The following GRM5 variants were observed in gnomAD, a reference collection of about 807,000 sequenced individuals.
GRM5 encodes the protein metabotropic glutamate receptor 5.
In GRM5, 19 loss-of-function variants were observed where a neutral mutation model predicts 83.1. The ratio of observed to expected loss-of-function variants is 0.23; its 90% CI spans 0.16 to 0.34. The LOEUF (loss-of-function observed/expected upper bound fraction) is 0.34. GRM5 is among the 10% of genes least tolerant of loss of function. The pLI is 1.00. For synonymous variants in GRM5, 675 were observed against 633.6 expected, an observed-to-expected ratio of 1.07 and a Z score of -0.98; for missense variants, 1,160 against 1,588.3, an observed-to-expected ratio of 0.73 and a Z score of 4.58.
intron 2 of GRM5, among the ~76,000 whole-genome samples, chr11:88,904,590 C>T (rs967630889): frequency 1.3e-5 from 2 of 152,048 alleles, no homozygotes; most frequent in African/African-American, 2.4e-5. Context: ...TTTTCTTTTT[C>T]GGTGGAATCC....
intron 2 of GRM5, among the ~76,000 whole-genome samples, chr11:88,930,589 T>A (rs544238319): frequency 9.9e-4 from 151 of 152,120 alleles, no homozygotes; most frequent in South Asian, 1.7e-3. Flanking sequence ...AATGGTGAGA[T>A]CACTGCAACC....
chr11:88,707,911 T>G (rs924964561), intron 3 of GRM5, among the ~76,000 whole-genome samples: 1 of 152,198 alleles, frequency 6.6e-6, no homozygotes. Context: ...TACAAACTTA[T>G]AATTACTCTG....
chr11:88,968,463 A>G (rs997232225), intron 2 of GRM5, among the ~76,000 whole-genome samples: 1 of 152,084 alleles, frequency 6.6e-6, no homozygotes, highest in African/African-American at 2.4e-5. Context: ...TAGGAGGATT[A>G]CTTGAAGCTG....
chr11:88,810,743 A>G (rs947566593), intron 3 of GRM5, among the ~76,000 whole-genome samples: 3 of 152,168 alleles, frequency 2.0e-5, no homozygotes, highest in Non-Finnish European at 4.4e-5. Flanking sequence ...ATAAATATGT[A>G]TGTCAGTATG....
At chr11:88,744,836 C>T (rs1477856456) in intron 3 of GRM5, among the ~76,000 whole-genome samples, 1 of 152,032 alleles carries the variant, frequency 6.6e-6, no homozygotes, top group Admixed American at 6.6e-5. Flanking sequence ...AAAGTGAAAA[C>T]ATTTGGCAAA....
At chr11:88,670,020 G>A (rs1378353803) in intron 3 of GRM5, among the ~76,000 whole-genome samples, 3 of 152,012 alleles carry the variant, frequency 2.0e-5, no homozygotes, top group South Asian at 4.1e-4. Context: ...TTTGAAAAAT[G>A]TAGTATTAGA....
intron 2 of GRM5, among the ~76,000 whole-genome samples, chr11:88,960,696 T>C (rs1938755486): frequency 2.6e-5 from 4 of 152,132 alleles, no homozygotes; most frequent in Non-Finnish European, 5.9e-5. Context: ...TTTGAGCTGA[T>C]TTATCCTAGA....
At chr11:88,673,340 CT>C (rs940572215) in intron 3 of GRM5, among the ~76,000 whole-genome samples, 3 of 151,820 alleles carry the variant, frequency 2.0e-5, no homozygotes, top group African/African-American at 7.2e-5. Flanking sequence ...GAAAACAAAT[CT>C]AGAATGACAC....
chr11:88,621,520 A>G (rs762122483), intron 4 of GRM5, among the ~76,000 whole-genome samples: 8 of 152,200 alleles, frequency 5.3e-5, no homozygotes, highest in Non-Finnish European at 1.0e-4. Context: ...TATGGAAGTT[A>G]TGACCCCACA....
chr11:88,706,731 T>C (rs576391637), intron 3 of GRM5, among the ~76,000 whole-genome samples: 7 of 152,198 alleles, frequency 4.6e-5, no homozygotes, highest in African/African-American at 1.2e-4. Flanking sequence ...TTTTTTATTT[T>C]GTGAGTCAGA....
At chr11:88,642,056 T>C (rs781679707) in intron 4 of GRM5, among the ~76,000 whole-genome samples, 1 of 152,130 alleles carries the variant, frequency 6.6e-6, no homozygotes, top group African/African-American at 2.4e-5. Flanking sequence ...GCACCAGGCT[T>C]CTGCTTGGGC....
rs1460633770 is a variant in GRM5, at chr11:88,567,764, T to C, written c.1919A>G (p.Lys640Arg). ...LCTFCLIAKP[K>R]QIYCYLQRIG... ...TCTCTGAAGGTAGCAGTAAATCTGTTTGGGCTTCGCAATGAGGCAGAAGGT... is the reference window on the plus strand; with the variant it reads ...TCTCTGAAGGTAGCAGTAAATCTGTCTGGGCTTCGCAATGAGGCAGAAGGT... Residue 640 changes from lysine to arginine, a missense_variant, in exon 8 of 10, where the codon AAA becomes AGA. By Grantham distance (26) the Lys-to-Arg change is conservative. Around this residue, in one of 9 missense-constraint regions of GRM5, gnomAD observed 132 missense variants for 245.5 expected, o/e 0.54. Coordinates refer to ENST00000305447, the MANE Select transcript of GRM5 (RefSeq NM_001143831.3). This position sits in a 1 kb window ranked among gnomAD's most constrained non-coding sequence, Gnocchi z 7.3. 4 of 1,613,938 alleles carry C rather than the reference T, an allele frequency of 2.5e-6. No individual in the cohort carries two copies. The African/African-American group carries it at 5.3e-5, about 22-fold the overall frequency.
chr11:89,023,508 G>A (rs1427338467), intron 2 of GRM5, among the ~76,000 whole-genome samples: 6 of 151,950 alleles, frequency 3.9e-5, no homozygotes, highest in African/African-American at 9.7e-5. Context: ...CCAGCCATGC[G>A]TGTTCATCAT....
chr11:88,891,769 G>C (rs543718276), intron 2 of GRM5, among the ~76,000 whole-genome samples: 1 of 152,082 alleles, frequency 6.6e-6, no homozygotes, highest in East Asian at 1.9e-4. Context: ...CAAGCTATAA[G>C]ACTTTAACAG....
rs1161960752 is a variant in GRM5, at chr11:89,038,158, T to TGC, written c.661+9053_661+9054insGC. Among the ~76,000 whole-genome samples the TGC allele has an allele frequency of 6.6e-5, 10 of 151,040 alleles. 1 individual carries two copies. The highest frequency in any genetic ancestry group is 2.4e-4 in the African/African-American group (10 of 41,224). On this transcript the variant is annotated intron_variant, in intron 2 of 9. Transcript: ENST00000305447. ...TCTTTCTTTAGAATCTCATTGTGTG[T>TGC]GTGTGTGTGTGTGTGTGTGTGAAAA...
intron 3 of GRM5, among the ~76,000 whole-genome samples, chr11:88,654,130 C>T (rs1939708172): frequency 6.6e-6 from 1 of 152,068 alleles, no homozygotes. Context: ...GGATCATACT[C>T]CTCAACATAA....
At chr11:88,642,097 C>T (rs1242070406) in intron 4 of GRM5, among the ~76,000 whole-genome samples, 5 of 152,236 alleles carry the variant, frequency 3.3e-5, no homozygotes, top group Non-Finnish European at 5.9e-5. Flanking sequence ...CTTCTGAAAT[C>T]GAGGTAGAGG....
At chr11:89,020,465 C>T (rs1368054167) in intron 2 of GRM5, among the ~76,000 whole-genome samples, 9 of 152,160 alleles carry the variant, frequency 5.9e-5, no homozygotes, top group Admixed American at 2.0e-4. Context: ...TAGTGATAGA[C>T]TGTTGGAATT....
rs897203725 is a variant in GRM5 at position 89,047,057 on chromosome 11, G to A, written c.661+155C>T. Among the ~76,000 whole-genome samples, 14 of 152,144 alleles carry A rather than the reference G, an allele frequency of 9.2e-5. No homozygotes were observed. Among genetic ancestry groups the A allele is most frequent in the Non-Finnish European group, 1.9e-4 (13 of 68,040 alleles). On this transcript the variant is annotated intron_variant, in intron 2 of 9. Coordinates refer to ENST00000305447, the MANE Select transcript of GRM5 (RefSeq NM_001143831.3). This position sits in a 1 kb window ranked among gnomAD's most constrained non-coding sequence, Gnocchi z 5.1. The stretch of plus-strand genomic sequence containing the variant: ...TGTAGTTTAAGTCTTTGTCTCTCTA[G>A]ATATATGCCATCCAGTCTGTTCTTA...
Sources: gnomAD v4.1 joint callset for allele counts (sites outside exome capture counted in the v4.1 genomes callset) on GRCh38, gnomAD v4.1.1 for gene constraint, gnomAD v4.1.1 regional missense constraint, Gnocchi (gnomAD v3.1) non-coding constraint, MANE v1.5 for transcripts, NCBI Gene and HGNC (gene_info 2026-07-23, HGNC 2026-07-21) for gene names.